Variants in NELL2 observed in about 807,000 individuals in gnomAD.
NELL2 encodes the protein neural EGFL like 2, also known as protein kinase C-binding protein NELL2.
NELL2 carries 41 observed loss-of-function variants against 109.6 expected under a neutral mutation model. The observed-to-expected ratio is 0.37, with a 90% CI of 0.29 to 0.49. NELL2 has a LOEUF of 0.49. NELL2 is among the 20% of genes least tolerant of loss of function. The pLI is 0.98. For missense variants in NELL2, 900 were observed against 1,008.3 expected, an observed-to-expected ratio of 0.89 and a Z score of 1.45; for synonymous variants, 355 against 344.7, an observed-to-expected ratio of 1.03 and a Z score of -0.33.
At chr12:44,617,835 T>C (rs1945896428) in intron 13 of NELL2, among the ~76,000 whole-genome samples, 2 of 152,132 alleles carry the variant, frequency 1.3e-5, no homozygotes, top group Middle Eastern at 3.2e-3. Flanking sequence ...CTTTTGCTTT[T>C]GCTAGATAGA....
At chr12:44,761,370 AAAACAAAC>A (rs201902563) in intron 9 of NELL2, among the ~76,000 whole-genome samples, 2 of 152,264 alleles carry the variant, frequency 1.3e-5, no homozygotes, top group African/African-American at 2.4e-5. Flanking sequence ...CTCCGTCTCA[AAAACAAAC>A]AAACAAACAA....
At chr12:44,739,183 T>C (rs1374629727) in intron 9 of NELL2, among the ~76,000 whole-genome samples, 1 of 152,218 alleles carries the variant, frequency 6.6e-6, no homozygotes, top group African/African-American at 2.4e-5. Context: ...TTTTCCTATA[T>C]TGCCCTTACC....
chr12:44,820,226 T>C (rs899015804), intron 2 of NELL2, among the ~76,000 whole-genome samples: 2 of 152,164 alleles, frequency 1.3e-5, no homozygotes, highest in African/African-American at 4.8e-5. Context: ...ATTCATTATG[T>C]CCAAGTCCAG....
rs200065799 is a variant in NELL2, at chr12:44,714,759, C to T, written c.995-18G>A. The T allele has an allele frequency of 3.9e-4, 577 of 1,477,382 alleles. 5 individuals are homozygous for T. The African/African-American group carries it at 7.4e-3, about 19-fold the overall frequency. The allele number at this position is 1,477,382 out of a possible 1,614,324, so 91.5% of individuals were successfully genotyped here. ...GCATATCGCTTTGGAGTAAAAAATACATATATATTTATTTTATTGGGAAAA... is the reference window on the plus strand; with the variant it reads ...GCATATCGCTTTGGAGTAAAAAATATATATATATTTATTTTATTGGGAAAA... On this transcript the variant is annotated intron_variant, in intron 9 of 19. Transcript: ENST00000429094.
At chr12:44,731,379 TAGA>T (rs979732510) in intron 9 of NELL2, among the ~76,000 whole-genome samples, 14 of 151,508 alleles carry the variant, frequency 9.2e-5, no homozygotes, top group African/African-American at 3.4e-4. Flanking sequence ...AACAGCGCAG[TAGA>T]AGGATTATAC....
At chr12:44,818,873 G>C (rs1348807322) in intron 2 of NELL2, among the ~76,000 whole-genome samples, 8 of 150,638 alleles carry the variant, frequency 5.3e-5, no homozygotes, top group Non-Finnish European at 1.2e-4. Context: ...CTCCCGAGTA[G>C]CTGGGACTAC....
rs534541233 is a variant in NELL2, at chr12:44,768,895, C to T, written c.994+5852G>A. ...CAGTACATCCTAAATATTTCCCATGCTTCCAGCATTATTGTAAAAATAGCT... is the reference window on the plus strand; with the variant it reads ...CAGTACATCCTAAATATTTCCCATGTTTCCAGCATTATTGTAAAAATAGCT... On this transcript the variant is annotated intron_variant, in intron 9 of 19. Coordinates refer to ENST00000429094, the MANE Select transcript of NELL2 (RefSeq NM_001145108.2). Among the ~76,000 whole-genome samples, 10 of 152,232 alleles carry T rather than the reference C, an allele frequency of 6.6e-5. No individual in the cohort carries two copies. In the East Asian group the frequency reaches 1.5e-3, roughly 23 times the overall value.
intron 13 of NELL2, among the ~76,000 whole-genome samples, chr12:44,647,801 A>G (rs966687687): frequency 6.6e-6 from 1 of 152,234 alleles, no homozygotes; most frequent in Admixed American, 6.5e-5. Flanking sequence ...CAGCTAAGAC[A>G]TTCTTAGAAA....
chr12:44,521,770 T>C (rs572916441), intron 18 of NELL2, among the ~76,000 whole-genome samples: 1 of 152,146 alleles, frequency 6.6e-6, no homozygotes, highest in African/African-American at 2.4e-5. Context: ...GAGACATACA[T>C]TACTGTCAGT....
chr12:44,528,244 T>C (rs1941896370), intron 16 of NELL2, among the ~76,000 whole-genome samples: 1 of 152,002 alleles, frequency 6.6e-6, no homozygotes, highest in South Asian at 2.1e-4. Flanking sequence ...TTTTTTGTTT[T>C]TTTAAATAAG....
At chr12:44,645,102 A>G (rs1428076452) in intron 13 of NELL2, among the ~76,000 whole-genome samples, 2 of 152,146 alleles carry the variant, frequency 1.3e-5, no homozygotes, top group Non-Finnish European at 2.9e-5. Flanking sequence ...ACGAAGAAAA[A>G]AGAAGACTGA....
At chr12:44,686,797 G>C (rs910018358) in intron 12 of NELL2, among the ~76,000 whole-genome samples, 7 of 152,178 alleles carry the variant, frequency 4.6e-5, no homozygotes, top group Non-Finnish European at 8.8e-5. Context: ...TGCGTGCTGG[G>C]AGCGCCACTG....
intron 15 of NELL2, among the ~76,000 whole-genome samples, chr12:44,552,814 T>A (rs1403678368): frequency 6.6e-6 from 1 of 152,118 alleles, no homozygotes; most frequent in African/African-American, 2.4e-5. Context: ...TTGCTGTGAC[T>A]TTCAAATTTT....
chr12:44,745,009 AT>A (rs1940244242), intron 9 of NELL2, among the ~76,000 whole-genome samples: 1 of 152,226 alleles, frequency 6.6e-6, no homozygotes, highest in Non-Finnish European at 1.5e-5. Context: ...AAAAAAGAGA[AT>A]TTTACACCAA....
At chr12:44,746,189 A>C (rs996991242) in intron 9 of NELL2, among the ~76,000 whole-genome samples, 2 of 152,294 alleles carry the variant, frequency 1.3e-5, no homozygotes, top group East Asian at 3.9e-4. Context: ...CAAAAACAAG[A>C]AATGGGAAAA....
At chr12:44,644,579 AG>A (rs1326780483) in intron 13 of NELL2, among the ~76,000 whole-genome samples, 9 of 70,088 alleles carry the variant, frequency 1.3e-4, no homozygotes, top group Non-Finnish European at 1.8e-4. Flanking sequence ...GACAAAGTAA[AG>A]TATATATATA....
intron 13 of NELL2, among the ~76,000 whole-genome samples, chr12:44,662,712 T>C (rs1012998416): frequency 5.3e-5 from 8 of 152,220 alleles, no homozygotes; most frequent in African/African-American, 1.7e-4. Flanking sequence ...ATCAAAGCTC[T>C]TGATTATTAA....
chr12:44,663,975 C>G (rs376640661), intron 13 of NELL2, among the ~76,000 whole-genome samples: 14 of 152,092 alleles, frequency 9.2e-5, no homozygotes, highest in East Asian at 3.9e-4. Context: ...GTGGGCTCCC[C>G]TGGAACTGCT....
At chr12:44,817,051 T>C (rs761854732) in intron 2 of NELL2, among the ~76,000 whole-genome samples, 2 of 152,230 alleles carry the variant, frequency 1.3e-5, no homozygotes, top group African/African-American at 2.4e-5. Context: ...CTTGTCTAGA[T>C]AAGTAGTTTT....
Sources: gnomAD v4.1 joint callset for allele counts (sites outside exome capture counted in the v4.1 genomes callset) on GRCh38, gnomAD v4.1.1 for gene constraint, MANE v1.5 for transcripts, NCBI Gene and HGNC (gene_info 2026-07-23, HGNC 2026-07-21) for gene names.